Variants in NRXN1 observed in about 807,000 individuals in gnomAD.
NRXN1 encodes neurexin 1, also known as neurexin-1.
Under a neutral mutation model 150.9 loss-of-function variants are expected in NRXN1, and 39 were observed. The observed-to-expected ratio is 0.26, with a 90% CI of 0.20 to 0.34. The LOEUF is 0.34. NRXN1 is among the 10% of genes least tolerant of loss of function. NRXN1 has a pLI of 1.00. For missense variants in NRXN1, 1,815 were observed against 1,949.9 expected, an observed-to-expected ratio of 0.93 and a Z score of 1.30; for synonymous variants, 924 against 757.0, an observed-to-expected ratio of 1.22 and a Z score of -3.62.
At chr2:50,946,558 C>A (rs2104542371) in intron 2 of NRXN1, among the ~76,000 whole-genome samples, 1 of 152,236 alleles carries the variant, frequency 6.6e-6, no homozygotes, top group African/African-American at 2.4e-5. Flanking sequence ...ACTAAACTTA[C>A]ATTTTTAACC....
At chr2:50,918,756 A>G (rs1192560257) in intron 5 of NRXN1, 1 of 312,226 alleles carries the variant, frequency 3.2e-6, no homozygotes, top group East Asian at 4.3e-5. Flanking sequence ...AGGCAAACAG[A>G]TAAACCTAAA....
chr2:50,591,404 ATAGATAG>A (rs1674202960), intron 8 of NRXN1, among the ~76,000 whole-genome samples: 2 of 135,424 alleles, frequency 1.5e-5, no homozygotes, highest in Non-Finnish European at 3.4e-5. Context: ...AGATAGATAG[ATAGATAG>A]ATAGATAGAT....
At chr2:50,926,622 C>A (rs1280120993) in intron 2 of NRXN1, among the ~76,000 whole-genome samples, 1 of 151,802 alleles carries the variant, frequency 6.6e-6, no homozygotes, top group African/African-American at 2.4e-5. Flanking sequence ...GGAAAGTGAT[C>A]ACTGGAAGAG....
chr2:50,265,182 T>G (rs770915690), intron 17 of NRXN1, among the ~76,000 whole-genome samples: 2 of 152,122 alleles, frequency 1.3e-5, no homozygotes, highest in Non-Finnish European at 2.9e-5. Flanking sequence ...TCACCAATTC[T>G]AGGTTTCCTC....
intron 2 of NRXN1, among the ~76,000 whole-genome samples, chr2:50,948,170 T>C (rs1006405565): frequency 6.6e-6 from 1 of 152,014 alleles, no homozygotes; most frequent in Non-Finnish European, 1.5e-5. Context: ...CTTGAAAAGA[T>C]TTCTTGAGGT....
chr2:51,015,987 A>G (rs1045084379), intron 2 of NRXN1, among the ~76,000 whole-genome samples: 3 of 152,176 alleles, frequency 2.0e-5, no homozygotes, highest in Non-Finnish European at 2.9e-5. Context: ...ACAAAGCTAC[A>G]GTAAACAAAA....
intron 5 of NRXN1, among the ~76,000 whole-genome samples, chr2:50,913,692 G>A (rs1684835705): frequency 6.6e-6 from 1 of 151,704 alleles, no homozygotes; most frequent in Admixed American, 6.6e-5. Context: ...ATAATTAATA[G>A]AGAGTACTTC....
intron 18 of NRXN1, among the ~76,000 whole-genome samples, chr2:50,208,946 C>T (rs540096923): frequency 1.2e-4 from 18 of 152,124 alleles, no homozygotes; most frequent in South Asian, 6.2e-4. Context: ...ATGTAATTTC[C>T]ATTTCATATT....
chr2:50,678,807 A>G (rs1221737837), intron 5 of NRXN1, among the ~76,000 whole-genome samples: 2 of 152,128 alleles, frequency 1.3e-5, no homozygotes, highest in African/African-American at 2.4e-5. Context: ...AAAGCCAGGC[A>G]AGAGGTGGGG....
At chr2:50,909,968 C>T (rs563779028) in intron 5 of NRXN1, among the ~76,000 whole-genome samples, 4 of 151,442 alleles carry the variant, frequency 2.6e-5, no homozygotes, top group East Asian at 3.9e-4. Flanking sequence ...GCAAAAATTA[C>T]GACAAAATTA....
chr2:50,724,930 A>T (rs976383904), intron 5 of NRXN1, among the ~76,000 whole-genome samples: 6 of 151,998 alleles, frequency 3.9e-5, no homozygotes, highest in Non-Finnish European at 8.8e-5. Context: ...AAACAAAAAA[A>T]CTGTTGAACA....
intron 19 of NRXN1, among the ~76,000 whole-genome samples, chr2:50,062,622 A>C (rs532754118): frequency 6.6e-6 from 1 of 152,252 alleles, no homozygotes; most frequent in East Asian, 1.9e-4. Context: ...CAAAGCAATA[A>C]AACTCAAATC....
chr2:50,826,620 C>T lies in NRXN1; in HGVS notation c.832+95249G>A, dbSNP rs187177019. 5.7e-4 allele frequency among the ~76,000 whole-genome samples: 87 copies of T among 152,126 alleles called. 1 individual carries two copies. Among genetic ancestry groups the T allele is most frequent in the Admixed American group, 3.9e-3 (59 of 15,270 alleles). ...TTATGTATGTTTGTGTTTTAAAGTG[C>T]GGTTCAGTGAGGGATCAGATGACTC... is the stretch of plus-strand genomic sequence containing the variant. On this transcript the variant is annotated intron_variant, in intron 5 of 22. Coordinates refer to ENST00000401669, the MANE Select transcript of NRXN1 (RefSeq NM_001330078.2).
intron 21 of NRXN1, among the ~76,000 whole-genome samples, chr2:49,995,556 C>T (rs1573295649): frequency 6.6e-6 from 1 of 151,044 alleles, no homozygotes; most frequent in African/African-American, 2.4e-5. Flanking sequence ...CCGAGGCGGG[C>T]GGATCACGAG....
At chr2:50,383,222 G>T (rs2081092553) in intron 17 of NRXN1, among the ~76,000 whole-genome samples, 1 of 151,988 alleles carries the variant, frequency 6.6e-6, no homozygotes, top group Non-Finnish European at 1.5e-5. Flanking sequence ...GACAGAATAT[G>T]GTCTGGTCTG....
At chr2:49,991,914 A>G (rs1314983704) in intron 21 of NRXN1, among the ~76,000 whole-genome samples, 1 of 152,254 alleles carries the variant, frequency 6.6e-6, no homozygotes, top group East Asian at 1.9e-4. Context: ...ATGGAAGAGA[A>G]GAACCCAGAA....
At chr2:50,417,898 C>T (rs1333796522) in intron 17 of NRXN1, among the ~76,000 whole-genome samples, 5 of 151,834 alleles carry the variant, frequency 3.3e-5, no homozygotes, top group African/African-American at 1.2e-4. Flanking sequence ...GATGGGGCTG[C>T]ACAGATAAGA....
intron 5 of NRXN1, among the ~76,000 whole-genome samples, chr2:50,882,954 T>C (rs562921924): frequency 6.6e-6 from 1 of 151,980 alleles, no homozygotes; most frequent in East Asian, 1.9e-4. Context: ...CATCAAAATA[T>C]GCTTACCTGA....
intron 10 of NRXN1, among the ~76,000 whole-genome samples, chr2:50,537,908 A>G (rs915916650): frequency 6.6e-6 from 1 of 152,194 alleles, no homozygotes; most frequent in African/African-American, 2.4e-5. Context: ...AGGTATGTAT[A>G]ATTCATGCCT....
Sources: gnomAD v4.1 joint callset for allele counts (sites outside exome capture counted in the v4.1 genomes callset) on GRCh38, gnomAD v4.1.1 for gene constraint, MANE v1.5 for transcripts, NCBI Gene and HGNC (gene_info 2026-07-23, HGNC 2026-07-21) for gene names.